The following HIVEP1 variants were observed in gnomAD, a reference collection of about 807,000 sequenced individuals.
HIVEP1 encodes the protein zinc finger protein 40.
In HIVEP1, 36 loss-of-function variants were observed where a neutral mutation model predicts 180.0. The observed-to-expected ratio is 0.20, with a 90% CI of 0.15 to 0.26. The LOEUF is 0.26. HIVEP1 is among the 10% of genes least tolerant of loss of function. HIVEP1 has a pLI of 1.00. For synonymous variants in HIVEP1, 1,239 were observed against 1,239.0 expected, an observed-to-expected ratio of 1.00 and a Z score of 0.00; for missense variants, 3,143 against 3,268.7, an observed-to-expected ratio of 0.96 and a Z score of 0.94.
rs1349682849 is a variant in HIVEP1 at position 12,130,902 on chromosome 6, C to G, written c.6345C>G (p.Pro2115=). 6.2e-7 allele frequency: 1 copy of G among 1,612,542 alleles called. No homozygotes were observed. The highest frequency in any genetic ancestry group is 8.5e-7 in the Non-Finnish European group (1 of 1,178,832). The change falls in exon 6 of 9, where the codon CCC becomes CCG. Residue 2115 remains proline, a synonymous_variant. Transcript: ENST00000379388. ...KHIRTHTDVR[P]YHCTYCNFSF... The stretch of plus-strand genomic sequence containing the variant: ...TACGAACCCATACAGATGTCCGCCC[C>G]TACCACTGCACTTACTGTAACTTCT...
chr6:12,124,836 G>A lies in HIVEP1; in HGVS notation c.5041G>A (p.Glu1681Lys). 6.2e-7 allele frequency: 1 copy of A among 1,614,196 alleles called. No homozygotes were observed. Among genetic ancestry groups the A allele is most frequent in the African/African-American group, 1.3e-5 (1 of 75,056 alleles). ...TAATCATAGTGTAGTGCCAATCAGT[G>A]AAGAACAAAATTCTGTGCCAACATT... Reference protein sequence around the residue: ...QTNHSVVPISEEQNSVPTLQK... With the variant: ...QTNHSVVPISKEQNSVPTLQK... The change falls in exon 4 of 9, where the codon GAA becomes AAA. Residue 1681 changes from glutamate to lysine, a missense_variant. By Grantham distance (56) the Glu-to-Lys change is moderately conservative. This residue lies in a region of HIVEP1 where 1,357 missense variants were observed against 1,260.5 expected (regional missense o/e 1.08). Transcript: ENST00000379388.
intron 2 of HIVEP1, among the ~76,000 whole-genome samples, chr6:12,065,676 TGTGTGTGTGTGTGTGC>T (rs929236382): frequency 2.6e-5 from 2 of 75,734 alleles, no homozygotes; most frequent in African/African-American, 1.0e-4. Flanking sequence ...GTTTTGTGTG[TGTGTGTGTGTGTGTGC>T]GTGTGTGTGT....
At chr6:12,094,437 T>C (rs2113358538) in intron 3 of HIVEP1, among the ~76,000 whole-genome samples, 1 of 152,178 alleles carries the variant, frequency 6.6e-6, no homozygotes, top group East Asian at 1.9e-4. Context: ...AAATGTTTGC[T>C]ATCTTTTTTT....
At chr6:12,169,449 A>G (rs185931905), downstream of HIVEP1, among the ~76,000 whole-genome samples, 3 of 152,204 alleles carry the variant, frequency 2.0e-5, no homozygotes, top group Non-Finnish European at 2.9e-5. Context: ...GAAAACGCCC[A>G]GACATCCAAA....
In HIVEP1 at chr6:12,018,493, C is replaced by T. The variant is rs778833511; in HGVS notation, c.40+2825C>T. On this transcript the variant is annotated intron_variant, in intron 2 of 8. Coordinates refer to ENST00000379388, the MANE Select transcript of HIVEP1 (RefSeq NM_002114.4). ...TTATGATAGGGATAAAATGATAAAA[C>T]ACAGGTCTCGAAAGAAGAATGGAGT... Among the ~76,000 whole-genome samples the T allele has an allele frequency of 6.6e-5, 10 of 152,346 alleles. No homozygotes were observed. The East Asian group carries it at 1.3e-3, about 21-fold the overall frequency.
the HIVEP1 span, among the ~76,000 whole-genome samples, chr6:12,211,340 C>T: frequency 9.6e-6 from 1 of 104,478 alleles, no homozygotes; most frequent in African/African-American, 4.4e-5. Context: ...GCGGAGCTTG[C>T]AGTGAGCCGA....
chr6:12,146,104 G>A (rs1447011329), intron 7 of HIVEP1, among the ~76,000 whole-genome samples: 1 of 152,148 alleles, frequency 6.6e-6, no homozygotes, highest in Admixed American at 6.5e-5. Flanking sequence ...CTTGGCAGCA[G>A]CTTTCTATAA....
intron 7 of HIVEP1, among the ~76,000 whole-genome samples, chr6:12,140,862 G>A (rs1758982893): frequency 6.6e-6 from 1 of 152,184 alleles, no homozygotes; most frequent in African/African-American, 2.4e-5. Flanking sequence ...AGAAATATGG[G>A]ACTATGTGAA....
chr6:12,177,124 G>A, the HIVEP1 span, among the ~76,000 whole-genome samples: 3 of 152,136 alleles, frequency 2.0e-5, no homozygotes, highest in South Asian at 6.2e-4. Context: ...GAGAACTCAT[G>A]GACACAAAGA....
chr6:12,149,389 G>T (rs973322019), intron 7 of HIVEP1, among the ~76,000 whole-genome samples: 5 of 152,128 alleles, frequency 3.3e-5, no homozygotes, highest in African/African-American at 1.2e-4. Flanking sequence ...GACACATTTG[G>T]GGGCTTAGTC....
At position 12,163,880 on chromosome 6, in the gene HIVEP1, A is replaced by T. The variant is rs771926553; in HGVS notation, c.7576A>T (p.Thr2526Ser). The change falls in exon 9 of 9, where the codon ACT (threonine) becomes TCT (serine). Residue 2526 changes from threonine to serine, a missense_variant. Thr to Ser is a moderately conservative substitution (Grantham distance 58). Around this residue, in one of 12 missense-constraint regions of HIVEP1, gnomAD observed 595 missense variants for 602.2 expected, o/e 0.99. Transcript: ENST00000379388. The stretch of plus-strand genomic sequence containing the variant: ...GAATGCTGTCGGACTGCAGGTTCTG[A>T]CTGCAAACCCTTCATCACAAAGCAG... ...ALNAVGLQVL[T>S]ANPSSQSSPA... is the part of the protein sequence containing the mutation. The T allele has an allele frequency of 3.1e-6, 5 of 1,614,084 alleles. No homozygotes were observed. The East Asian group carries it at 6.7e-5, about 22-fold the overall frequency.
At chr6:12,098,804 TAAC>T (rs146668559) in intron 3 of HIVEP1, among the ~76,000 whole-genome samples, 18 of 152,308 alleles carry the variant, frequency 1.2e-4, no homozygotes, top group African/African-American at 2.2e-4. Flanking sequence ...AGCATGGAGA[TAAC>T]AAAGTATTTA....
chr6:12,020,394 G>C (rs2113596032), intron 2 of HIVEP1: 1 of 471,128 alleles, frequency 2.1e-6, no homozygotes, highest in East Asian at 6.9e-5. Context: ...TGGACTGCAC[G>C]GGGTGGCTCT....
chr6:12,165,659 T>G (rs1287257456), downstream of HIVEP1, among the ~76,000 whole-genome samples: 1 of 152,226 alleles, frequency 6.6e-6, no homozygotes, highest in African/African-American at 2.4e-5. Flanking sequence ...AGATGCTAGG[T>G]TTATGAGAAA....
intron 2 of HIVEP1, among the ~76,000 whole-genome samples, chr6:12,060,316 T>G (rs888455442): frequency 3.3e-5 from 5 of 152,246 alleles, no homozygotes; most frequent in Non-Finnish European, 2.9e-5. Flanking sequence ...TATATTTGCT[T>G]CTTTAAATAT....
Position 12,120,519 on chromosome 6 carries a change from G to A in HIVEP1, c.724G>A (p.Asp242Asn). ...SPPKLKNSSM[D>N]APNQTSQELV... is the part of the protein sequence containing the mutation. ...TCCCAAATTAAAAAACAGTTCAATGGATGCCCCAAATCAGACTTCACAGGA... is the reference window on the plus strand; with the variant it reads ...TCCCAAATTAAAAAACAGTTCAATGAATGCCCCAAATCAGACTTCACAGGA... The change falls in exon 4 of 9, where the codon GAT (aspartate) becomes AAT (asparagine). Residue 242 changes from aspartate to asparagine, a missense_variant. Asp to Asn is a conservative substitution (Grantham distance 23). This residue lies in a region of HIVEP1 where 306 missense variants were observed against 310.6 expected (regional missense o/e 0.99). Transcript: ENST00000379388. 1.2e-6 allele frequency: 2 copies of A among 1,614,140 alleles called. No individual in the cohort carries two copies. Among genetic ancestry groups the A allele is most frequent in the South Asian group, 2.2e-5 (2 of 91,078 alleles).
the HIVEP1 span, among the ~76,000 whole-genome samples, chr6:12,210,102 T>TA: frequency 4.8e-3 from 690 of 143,382 alleles, 1 homozygote; most frequent in African/African-American, 0.015. Flanking sequence ...GACTCTGTCT[T>TA]AAAAAAAAAA....
intron 6 of HIVEP1, among the ~76,000 whole-genome samples, chr6:12,132,299 G>T (rs1355627843): frequency 6.6e-6 from 1 of 151,950 alleles, no homozygotes; most frequent in Non-Finnish European, 1.5e-5. Flanking sequence ...ACATCTATTA[G>T]CTTCCTTTAT....
the HIVEP1 span, among the ~76,000 whole-genome samples, chr6:12,184,022 T>TAGATAGATAGATAGAC: frequency 1.2e-3 from 126 of 101,950 alleles, 1 homozygote; most frequent in South Asian, 2.3e-3. Flanking sequence ...GATAGATAGA[T>TAGATAGATAGATAGAC]AGACAGACAG....
Sources: gnomAD v4.1 joint callset for allele counts (sites outside exome capture counted in the v4.1 genomes callset) on GRCh38, gnomAD v4.1.1 for gene constraint, gnomAD v4.1.1 regional missense constraint, MANE v1.5 for transcripts, NCBI Gene and HGNC (gene_info 2026-07-23, HGNC 2026-07-21) for gene names.